The following THOC5 variants were observed in gnomAD, a reference collection of about 807,000 sequenced individuals.
THOC5 encodes the protein THO complex subunit 5, also known as Fms-interacting protein.
In THOC5, 43 loss-of-function variants were observed where a neutral mutation model predicts 92.9. That is an observed-to-expected ratio of 0.46 (90% CI 0.36 to 0.60). THOC5 has a LOEUF of 0.60. Among genes scored for constraint, THOC5 ranks in the 20% least tolerant of loss-of-function variants. The probability of loss-of-function intolerance (pLI) is 0.00; values close to 1 mark genes in which losing one functional copy is unlikely to be tolerated. For synonymous variants in THOC5, 296 were observed against 320.1 expected (o/e 0.92, Z 0.80); for missense variants, 659 against 849.4 (o/e 0.78, Z 2.79).
chr22:29,510,077 A>G (rs2063195351), intron 19 of THOC5, among the ~76,000 whole-genome samples: 1 of 152,228 alleles, frequency 6.6e-6, no homozygotes, highest in Admixed American at 6.5e-5. Context: ...CAGTTTTGAA[A>G]CTGACTCTTA....
At chr22:29,529,881 C>T (rs915072036) in intron 8 of THOC5, among the ~76,000 whole-genome samples, 1 of 152,214 alleles carries the variant, frequency 6.6e-6, no homozygotes, top group Admixed American at 6.5e-5. Flanking sequence ...GTGGCTCACA[C>T]CTGTAATCTC....
At chr22:29,547,381 T>C (rs1949531062) in intron 2 of THOC5, among the ~76,000 whole-genome samples, 1 of 152,044 alleles carries the variant, frequency 6.6e-6, no homozygotes, top group South Asian at 2.1e-4. Context: ...TTTTTTTCTT[T>C]GAGATGGAGT....
At chr22:29,544,364 CAGA>C (rs2063967615) in intron 3 of THOC5, 93 bp downstream of exon 3, 1 of 1,357,976 alleles carries the variant, frequency 7.4e-7, no homozygotes, top group East Asian at 2.5e-5. Flanking sequence ...ATGGCTAGGA[CAGA>C]AGATCAAGAT....
intron 11 of THOC5, among the ~76,000 whole-genome samples, chr22:29,527,637 G>A (rs898318073): frequency 6.6e-6 from 1 of 152,190 alleles, no homozygotes; most frequent in Non-Finnish European, 1.5e-5. Flanking sequence ...CCTGTGGTGA[G>A]AGGGAAACTT....
intron 19 of THOC5, among the ~76,000 whole-genome samples, chr22:29,508,857 G>A (rs1261800318): frequency 5.3e-5 from 8 of 151,844 alleles, no homozygotes; most frequent in East Asian, 2.0e-4. Flanking sequence ...GTGCAGTGGC[G>A]TGATCTCGGC....
intron 17 of THOC5, among the ~76,000 whole-genome samples, chr22:29,516,266 TC>T (rs1337038220): frequency 6.6e-6 from 1 of 152,110 alleles, no homozygotes; most frequent in African/African-American, 2.4e-5. Flanking sequence ...CTCAACTGTA[TC>T]TGAAATATTC....
intron 12 of THOC5, among the ~76,000 whole-genome samples, chr22:29,523,272 A>G (rs1398370480): frequency 2.6e-5 from 4 of 152,106 alleles, no homozygotes; most frequent in Admixed American, 1.3e-4. Context: ...TAAATAATAA[A>G]ATAAAAACAT....
At chr22:29,534,346 T>C (rs556059511) in intron 7 of THOC5, among the ~76,000 whole-genome samples, 19 of 152,316 alleles carry the variant, frequency 1.2e-4, no homozygotes, top group Admixed American at 1.1e-3. Flanking sequence ...TCTGGGATTT[T>C]GGGTGCTGGT....
Position 29,529,263 on chromosome 22 carries a change from TAGGAAAGCTGCTG to T in THOC5, c.848-37_848-25del, listed in dbSNP as rs781501026. The T allele has an allele frequency of 2.7e-5, 44 of 1,613,554 alleles. No homozygotes were observed. In the South Asian group the frequency reaches 3.2e-4, roughly 12 times the overall value. On this transcript the variant is annotated intron_variant, in intron 8 of 19. Transcript: ENST00000490103. ...ATCTGGGGGGCAAGAAGAAGTCTGT[TAGGAAAGCTGCTG>T]AGGAAAGCTGCTAAGCAGTGTGAGT...
chr22:29,551,010 TTTG>T (rs1257403351), intron 1 of THOC5, among the ~76,000 whole-genome samples: 2 of 152,186 alleles, frequency 1.3e-5, no homozygotes, highest in Non-Finnish European at 2.9e-5. Flanking sequence ...CTAGCCAGAG[TTTG>T]TTAACAATGA....
intron 5 of THOC5, among the ~76,000 whole-genome samples, chr22:29,540,287 T>C (rs1240226244): frequency 6.6e-6 from 1 of 152,190 alleles, no homozygotes; most frequent in Non-Finnish European, 1.5e-5. Context: ...AATCCAACCC[T>C]CTTTGCTGTA....
chr22:29,519,147 C>T (rs976153314), intron 14 of THOC5, 27 bp from the exon 15 acceptor site: 53 of 1,501,854 alleles, frequency 3.5e-5, no homozygotes, highest in Non-Finnish European at 4.5e-5. Flanking sequence ...GACACATACA[C>T]GTGTGCTCCC....
At chr22:29,549,817 C>T (rs1340951580) in intron 1 of THOC5, among the ~76,000 whole-genome samples, 1 of 152,072 alleles carries the variant, frequency 6.6e-6, no homozygotes. Context: ...CCCAGTTCCC[C>T]AAACACTCCA....
intron 17 of THOC5, among the ~76,000 whole-genome samples, chr22:29,516,170 A>G (rs12628784): frequency 0.2 from 29,372 of 149,642 alleles, 3,251 homozygotes; most frequent in East Asian, 0.42. Context: ...AAAAGGGTGT[A>G]GCGGGGAAAG....
In THOC5 at chr22:29,525,852, G is replaced by A. The variant is rs140980425; in HGVS notation, c.1161C>T (p.Thr387=). 32 of 1,613,666 alleles carry A rather than the reference G, an allele frequency of 2.0e-5. No individual in the cohort carries two copies. Among genetic ancestry groups the A allele is most frequent in the African/African-American group, 8.0e-5 (6 of 74,866 alleles). ...AKVTTAMELI[T]PISAGDLLSP... ...CTGCTCAATACCCTGCACTGATGGG[G>A]GTGATCAGCTCCATGGCAGTTGTCA... The change falls in exon 12 of 20, where the codon ACC becomes ACT. Residue 387 remains threonine (T), a synonymous_variant. Transcript: ENST00000490103.
At chr22:29,534,952 C>T (rs2063727774) in intron 7 of THOC5, 1 of 88,068 alleles carries the variant, frequency 1.1e-5, no homozygotes, top group Non-Finnish European at 2.1e-5. Flanking sequence ...GAGCGAGACT[C>T]TGTCTCAAAA....
At position 29,508,354 on chromosome 22, in the gene THOC5, G is replaced by A. The variant is rs2063158453; in HGVS notation, c.*103C>T. The A allele has an allele frequency of 1.6e-6, 2 of 1,235,622 alleles. No homozygotes were observed. The highest frequency in any genetic ancestry group is 1.3e-5 in the South Asian group (1 of 76,934). 76.5% of individuals were successfully genotyped at this position (1,235,622 alleles called of 1,614,324 possible). On this transcript the variant is annotated 3_prime_UTR_variant, in exon 20 of 20. Transcript: ENST00000490103. ...TCAGGTGACGCTTTTTAATTGGCTG[G>A]TGTCTTTGGAGAATATCAAGAGTCA... is the stretch of plus-strand genomic sequence containing the variant.
intron 17 of THOC5, among the ~76,000 whole-genome samples, chr22:29,515,443 T>C (rs898757547): frequency 9.9e-5 from 15 of 152,194 alleles, no homozygotes; most frequent in African/African-American, 3.6e-4. Flanking sequence ...TGTCACCTAC[T>C]TTATTGCAAA....
At chr22:29,540,066 G>A (rs566897774) in intron 5 of THOC5, among the ~76,000 whole-genome samples, 4 of 152,280 alleles carry the variant, frequency 2.6e-5, no homozygotes, top group Admixed American at 2.6e-4. Flanking sequence ...GATTACCTGA[G>A]GTCAGGAGTT....
Sources: allele counts gnomAD v4.1 joint callset (sites outside exome capture counted in the v4.1 genomes callset), GRCh38; gene constraint gnomAD v4.1.1; transcripts MANE v1.5; gene names NCBI Gene and HGNC (gene_info 2026-07-23, HGNC 2026-07-21).